Variants in CAPN1 observed in about 807,000 individuals in gnomAD.
CAPN1 encodes the protein calpain 1.
CAPN1 carries 77 observed loss-of-function variants against 105.2 expected under a neutral mutation model. The ratio of observed to expected loss-of-function variants is 0.73; its 90% CI spans 0.61 to 0.88. CAPN1 has a LOEUF of 0.88. Among genes scored for constraint, CAPN1 ranks in the 40% least tolerant of loss-of-function variants. The pLI, the probability that CAPN1 is intolerant of heterozygous loss-of-function variation, is 0.00. For synonymous variants in CAPN1, 355 were observed against 388.8 expected, an observed-to-expected ratio of 0.91 and a Z score of 1.02; for missense variants, 833 against 976.6, an observed-to-expected ratio of 0.85 and a Z score of 1.96.
At chr11:65,201,855 G>C (rs1274768411) in intron 10 of CAPN1, among the ~76,000 whole-genome samples, 1 of 132,048 alleles carries the variant, frequency 7.6e-6, no homozygotes, top group African/African-American at 2.9e-5. Flanking sequence ...CACGGTCTTG[G>C]TCTGTTGCCC....
chr11:65,198,511 C>T (rs1948823424), intron 10 of CAPN1, among the ~76,000 whole-genome samples: 1 of 152,112 alleles, frequency 6.6e-6, no homozygotes, highest in African/African-American at 2.4e-5. Flanking sequence ...TTGAATCACC[C>T]CTTTCCTTTG....
intron 4 of CAPN1, among the ~76,000 whole-genome samples, chr11:65,185,414 C>A (rs928997214): frequency 6.6e-6 from 1 of 151,870 alleles, no homozygotes; most frequent in African/African-American, 2.4e-5. Flanking sequence ...GTAATTGTTT[C>A]GTTCAGACCT....
Position 65,208,063 on chromosome 11 carries a change from C to T in CAPN1, c.1614C>T (p.Leu538=), listed in dbSNP as rs771479184. 2.5e-6 allele frequency: 4 copies of T among 1,598,074 alleles called. No individual in the cohort carries two copies. The highest frequency in any genetic ancestry group is 3.4e-6 in the Non-Finnish European group (4 of 1,172,392). Residue 538 remains leucine, a synonymous_variant, in exon 15 of 22, where the codon CTC becomes CTT. Coordinates refer to ENST00000279247, the MANE Select transcript of CAPN1 (RefSeq NM_005186.4). The surrounding 1 kb of genome is among the most constrained non-coding windows in gnomAD (Gnocchi z 4.1). ...IQANLPDEQV[L]SEEEIDENFK... ...TCCCCTTCTCGGTCCAGCAAGTGCT[C>T]TCAGAAGAGGAGATTGACGAGAACT...
chr11:65,206,910 C>A, intron 14 of CAPN1, 91 bp downstream of exon 14: 1 of 1,241,434 alleles, frequency 8.1e-7, no homozygotes, highest in Non-Finnish European at 1.1e-6. Context: ...CCCCTGAGTT[C>A]CTGCTAACAG....
Position 65,188,393 on chromosome 11 carries a change from G to A in CAPN1, c.930-21G>A, listed in dbSNP as rs1312152677. On this transcript the variant is annotated intron_variant, in intron 8 of 21. Coordinates refer to ENST00000279247, the MANE Select transcript of CAPN1 (RefSeq NM_005186.4). This position sits in a 1 kb window ranked among gnomAD's most constrained non-coding sequence, Gnocchi z 5.5. ...GGCAGGTCAGTGCCCACCAGCCCTG[G>A]CAGAGCCCTGCTCCTCACAGCTCCT... is the stretch of plus-strand genomic sequence containing the variant. 1 of 1,599,290 alleles carries A rather than the reference G, an allele frequency of 6.3e-7. No homozygotes were observed. The highest frequency in any genetic ancestry group is 8.5e-7 in the Non-Finnish European group (1 of 1,172,560).
chr11:65,208,049 G>T lies in CAPN1; in HGVS notation c.1606-6G>T. On this transcript the variant is annotated splice_region_variant and splice_polypyrimidine_tract_variant and intron_variant, in intron 14 of 21. Transcript: ENST00000279247. The surrounding 1 kb of genome is among the most constrained non-coding windows in gnomAD (Gnocchi z 4.1). ...TCTTACCTGCTTTCTCCCCTTCTCG[G>T]TCCAGCAAGTGCTCTCAGAAGAGGA... The T allele has an allele frequency of 2.5e-6, 4 of 1,586,994 alleles. No individual in the cohort carries two copies. The highest frequency in any genetic ancestry group is 3.4e-6 in the Non-Finnish European group (4 of 1,166,590).
chr11:65,195,652 G>A (rs1332784105), intron 10 of CAPN1, among the ~76,000 whole-genome samples: 1 of 151,920 alleles, frequency 6.6e-6, no homozygotes, highest in Non-Finnish European at 1.5e-5. Flanking sequence ...TTTGGGAGGG[G>A]GTGGATTTTT....
chr11:65,182,571 A>G (rs1355981602), intron 1 of CAPN1, 130 bp from the exon 2 acceptor site: 1 of 948,282 alleles, frequency 1.1e-6, no homozygotes, highest in Non-Finnish European at 1.5e-6. Flanking sequence ...CTGTGAGGGG[A>G]GCAGTGAGGC....
At chr11:65,206,951 A>G in intron 14 of CAPN1, 132 bp downstream of exon 14, 1 of 801,822 alleles carries the variant, frequency 1.2e-6, no homozygotes, top group Non-Finnish European at 2.0e-6. Context: ...AAGCCATAGG[A>G]GTAGTGCTAA....
intron 10 of CAPN1, among the ~76,000 whole-genome samples, chr11:65,200,821 T>C (rs1390097151): frequency 5.3e-5 from 8 of 150,976 alleles, no homozygotes; most frequent in Admixed American, 2.0e-4. Flanking sequence ...TTTGGAGAGA[T>C]GGGGTCTTGC....
intron 10 of CAPN1, among the ~76,000 whole-genome samples, chr11:65,194,198 C>A (rs1179107186): frequency 6.6e-6 from 1 of 151,912 alleles, no homozygotes; most frequent in South Asian, 2.1e-4. Flanking sequence ...GAATTCCTGA[C>A]CTCAACTGAT....
rs1295524904 is a variant in CAPN1, at chr11:65,204,630, A to G, written c.1166-53A>G. On this transcript the variant is annotated intron_variant, in intron 10 of 21. Transcript: ENST00000279247. ...GACGTGCTGAGGAGGCTTGGGGGCCAATTGGCTCTGCCCCGCCCTGCCTCT... is the reference window on the plus strand; with the variant it reads ...GACGTGCTGAGGAGGCTTGGGGGCCGATTGGCTCTGCCCCGCCCTGCCTCT... The G allele has an allele frequency of 3.9e-6, 6 of 1,548,808 alleles. No homozygotes were observed. In the East Asian group the frequency reaches 1.1e-4, roughly 29 times the overall value.
chr11:65,208,943 C>T lies in CAPN1; in HGVS notation c.1730-380C>T. The T allele has an allele frequency of 3.6e-6, 1 of 278,550 alleles. No individual in the cohort carries two copies. The highest frequency in any genetic ancestry group is 7.0e-6 in the Non-Finnish European group (1 of 141,944). The allele number at this position is 278,550 out of a possible 1,614,324, so 17.3% of individuals were successfully genotyped here. A position where few individuals can be genotyped will look rare whatever the true frequency, so the allele number is the denominator to read the frequency against. Reference sequence around the variant, plus strand: ...TCATCCCCTCCCCTCCCCTTTGCTGCCACTGACCTCCATCCACACGGTTTC... The same window carrying T: ...TCATCCCCTCCCCTCCCCTTTGCTGTCACTGACCTCCATCCACACGGTTTC... On this transcript the variant is annotated intron_variant, in intron 16 of 21. Coordinates refer to ENST00000279247, the MANE Select transcript of CAPN1 (RefSeq NM_005186.4). This position sits in a 1 kb window ranked among gnomAD's most constrained non-coding sequence, Gnocchi z 4.1.
In CAPN1 at chr11:65,188,223, C is replaced by A; in HGVS notation, c.929+183C>A. 1.5e-6 allele frequency: 1 copy of A among 683,202 alleles called. No individual in the cohort carries two copies. The highest frequency in any genetic ancestry group is 2.5e-6 in the Non-Finnish European group (1 of 405,684). The allele number at this position is 683,202 out of a possible 1,614,324, so 42.3% of individuals were successfully genotyped here. A position where few individuals can be genotyped will look rare whatever the true frequency, so the allele number is the denominator to read the frequency against. On this transcript the variant is annotated intron_variant, in intron 8 of 21. Coordinates refer to ENST00000279247, the MANE Select transcript of CAPN1 (RefSeq NM_005186.4). The surrounding 1 kb of genome is among the most constrained non-coding windows in gnomAD (Gnocchi z 5.5). ...AGGCCGTGCGGGCCCCTGTGCCCAG[C>A]CGTCGGGTGTGTGCAGGGCATCAGA...
At chr11:65,181,877 G>C (rs1434565379), upstream of CAPN1, 1 of 170,820 alleles carries the variant, frequency 5.9e-6, no homozygotes, top group African/African-American at 2.4e-5. The surrounding 1 kb of genome is among the most constrained non-coding windows in gnomAD (Gnocchi z 4.6). Flanking sequence ...AGGAGAAGGA[G>C]AGAGGGAGGG....
At chr11:65,187,543 G>A in intron 7 of CAPN1, 1 of 567,508 alleles carries the variant, frequency 1.8e-6, no homozygotes, top group African/African-American at 1.9e-5. Flanking sequence ...CTTCATCTGG[G>A]TGCTGAGCAG....
At chr11:65,196,882 C>T (rs994362619) in intron 10 of CAPN1, among the ~76,000 whole-genome samples, 1 of 152,174 alleles carries the variant, frequency 6.6e-6, no homozygotes, top group Non-Finnish European at 1.5e-5. Context: ...AAGGTTCCTT[C>T]GTTCTTGAAA....
intron 10 of CAPN1, among the ~76,000 whole-genome samples, chr11:65,198,872 T>C (rs530361064): frequency 3.3e-5 from 5 of 152,328 alleles, no homozygotes; most frequent in African/African-American, 1.2e-4. Flanking sequence ...TCGCGCTCTG[T>C]CGCCCAGGCT....
At position 65,209,762 on chromosome 11, in the gene CAPN1, C is replaced by T. The variant is rs1478758730; in HGVS notation, c.1795-87C>T. ...ACCCAGCCCCAAGTCGACTTGCCGG[C>T]TCGGCGGCCATCTCCCCTTCTGCAC... On this transcript the variant is annotated intron_variant, in intron 17 of 21. Coordinates refer to ENST00000279247, the MANE Select transcript of CAPN1 (RefSeq NM_005186.4). The surrounding 1 kb of genome is among the most constrained non-coding windows in gnomAD (Gnocchi z 4.1). The T allele has an allele frequency of 7.4e-7, 1 of 1,343,180 alleles. No individual in the cohort carries two copies. The highest frequency in any genetic ancestry group is 1.0e-6 in the Non-Finnish European group (1 of 958,872). 83.2% of individuals were successfully genotyped at this position (1,343,180 alleles called of 1,614,324 possible).
Sources: allele counts gnomAD v4.1 joint callset (sites outside exome capture counted in the v4.1 genomes callset), GRCh38; gene constraint gnomAD v4.1.1; non-coding constraint Gnocchi (gnomAD v3.1); transcripts MANE v1.5; gene names NCBI Gene and HGNC (gene_info 2026-07-23, HGNC 2026-07-21).